ARHGAP17: variants seen among roughly 807,000 people sequenced by gnomAD.
ARHGAP17 encodes Rho GTPase activating protein 17, also known as rho GTPase-activating protein 17.
ARHGAP17 carries 57 observed loss-of-function variants against 99.5 expected under a neutral mutation model. That is an observed-to-expected ratio of 0.57 (90% CI 0.46 to 0.71). ARHGAP17 has a LOEUF of 0.71. ARHGAP17 is among the 30% of genes least tolerant of loss of function. The pLI, the probability that ARHGAP17 is intolerant of heterozygous loss-of-function variation, is 0.00. For missense variants in ARHGAP17, 1,000 were observed against 1,122.4 expected (o/e 0.89, Z 1.56); for synonymous variants, 417 against 429.6 (o/e 0.97, Z 0.36).
chr16:24,985,932 C>G (rs1021799069), intron 1 of ARHGAP17, among the ~76,000 whole-genome samples: 2 of 152,160 alleles, frequency 1.3e-5, no homozygotes, highest in Non-Finnish European at 2.9e-5. Flanking sequence ...ACTCCACCAC[C>G]TCCCTTTTTA....
chr16:25,002,338 C>G (rs539605519), intron 1 of ARHGAP17, among the ~76,000 whole-genome samples: 4 of 152,154 alleles, frequency 2.6e-5, no homozygotes, highest in Non-Finnish European at 5.9e-5. Context: ...AATGTTCTTC[C>G]CAGTCACCGC....
rs778447658 is a variant in ARHGAP17, at chr16:24,954,702, C to A, written c.753G>T (p.Gly251=). The change falls in exon 10 of 20, where the codon GGG becomes GGT. Residue 251 remains glycine (G), a synonymous_variant. Coordinates refer to ENST00000289968, the MANE Select transcript of ARHGAP17 (RefSeq NM_001006634.3). The part of the protein sequence containing the change: ...QDKWAEKPAF[G]TPLEEHLKRS... ...TCTTCAGGTGTTCTTCTAGGGGAGTCCCAAAGGCTGGTTTTTCCGCCCACT... is the reference window on the plus strand; with the variant it reads ...TCTTCAGGTGTTCTTCTAGGGGAGTACCAAAGGCTGGTTTTTCCGCCCACT... 1.9e-6 allele frequency: 3 copies of A among 1,613,914 alleles called. No homozygotes were observed. Among genetic ancestry groups the A allele is most frequent in the Non-Finnish European group, 2.5e-6 (3 of 1,179,888 alleles).
At chr16:24,944,069 G>A (rs1037119868) in intron 14 of ARHGAP17, among the ~76,000 whole-genome samples, 2 of 151,930 alleles carry the variant, frequency 1.3e-5, no homozygotes, top group African/African-American at 4.8e-5. Flanking sequence ...TCAAGAGATC[G>A]AGACAATCCT....
intron 1 of ARHGAP17, among the ~76,000 whole-genome samples, chr16:24,982,980 A>ATATATATATATATATATATATATT (rs2052725948): frequency 1.2e-4 from 2 of 16,874 alleles, no homozygotes; most frequent in African/African-American, 2.3e-4. Context: ...ATATATATAT[A>ATATATATATATATATATATATATT]TATATATATA....
At chr16:25,004,978 G>A (rs529455379) in intron 1 of ARHGAP17, among the ~76,000 whole-genome samples, 23 of 152,318 alleles carry the variant, frequency 1.5e-4, no homozygotes, top group South Asian at 2.1e-4. Flanking sequence ...GCAGTGGTGC[G>A]ATCTTGGCTC....
rs193026353 is a variant in ARHGAP17, at chr16:24,987,372, T to C, written c.54-8367A>G. Among the ~76,000 whole-genome samples, 290 of 152,224 alleles carry C rather than the reference T, an allele frequency of 1.9e-3. 1 individual carries two copies. The highest frequency in any genetic ancestry group is 4.4e-3 in the Admixed American group (68 of 15,306). ...GCCGCATTTAGCCCACAGACCAGAG[T>C]TTGCTGACCCCTGATCTATGTACAA... On this transcript the variant is annotated intron_variant, in intron 1 of 19. Coordinates refer to ENST00000289968, the MANE Select transcript of ARHGAP17 (RefSeq NM_001006634.3).
chr16:24,997,305 TGGACTGGTGCAA>T (rs2053223838), intron 1 of ARHGAP17, among the ~76,000 whole-genome samples: 2 of 151,252 alleles, frequency 1.3e-5, no homozygotes, highest in African/African-American at 4.9e-5. Context: ...CATTAGCACT[TGGACTGGTGCAA>T]GGCGCCCAGT....
chr16:24,981,818 T>A (rs369355839), intron 1 of ARHGAP17, among the ~76,000 whole-genome samples: 15 of 152,304 alleles, frequency 9.8e-5, no homozygotes, highest in African/African-American at 3.6e-4. Flanking sequence ...ATTGGTCCAA[T>A]GTCAAGCTCT....
chr16:24,965,446 A>G (rs567755469), intron 6 of ARHGAP17, among the ~76,000 whole-genome samples: 5 of 152,362 alleles, frequency 3.3e-5, no homozygotes, highest in African/African-American at 1.2e-4. Context: ...GCCGCACTCC[A>G]GCCTGGGGAC....
intron 1 of ARHGAP17, among the ~76,000 whole-genome samples, chr16:25,009,917 T>C (rs1319897430): frequency 6.6e-6 from 1 of 152,126 alleles, no homozygotes; most frequent in Non-Finnish European, 1.5e-5. Context: ...AGATGTTTAA[T>C]AAACATTAAT....
At chr16:24,927,620 G>T in intron 19 of ARHGAP17, 1 of 863,936 alleles carries the variant, frequency 1.2e-6, no homozygotes, top group Non-Finnish European at 1.5e-6. Context: ...TAACAGGCAT[G>T]AGTGCACAAA....
intron 17 of ARHGAP17, among the ~76,000 whole-genome samples, chr16:24,938,938 A>C (rs546901456): frequency 7.3e-6 from 1 of 136,580 alleles, no homozygotes; most frequent in African/African-American, 3.7e-5. Flanking sequence ...TGTTTCACTG[A>C]ATCAATCAAC....
intron 3 of ARHGAP17, among the ~76,000 whole-genome samples, chr16:24,971,123 G>T (rs1434660487): frequency 6.6e-6 from 1 of 152,154 alleles, no homozygotes; most frequent in Non-Finnish European, 1.5e-5. Flanking sequence ...GCATGCCTCA[G>T]CCTCCCAAAG....
intron 19 of ARHGAP17, among the ~76,000 whole-genome samples, chr16:24,925,022 T>G (rs2050804700): frequency 6.6e-6 from 1 of 152,160 alleles, no homozygotes; most frequent in Non-Finnish European, 1.5e-5. Context: ...GTCTTCACTT[T>G]CAGGATCCTC....
chr16:24,970,470 A>G (rs1195890510), intron 4 of ARHGAP17, 37 bp downstream of exon 4: 1 of 1,597,954 alleles, frequency 6.3e-7, no homozygotes. Flanking sequence ...CCACCAATCT[A>G]CATGGCACTT....
At chr16:24,963,722 C>T (rs1005865762) in intron 7 of ARHGAP17, among the ~76,000 whole-genome samples, 11 of 152,142 alleles carry the variant, frequency 7.2e-5, no homozygotes, top group African/African-American at 2.7e-4. Context: ...ATTGTTCAAG[C>T]AACATTTTAA....
chr16:24,922,801 G>A (rs920029246), intron 19 of ARHGAP17, among the ~76,000 whole-genome samples: 7 of 151,694 alleles, frequency 4.6e-5, no homozygotes, highest in Non-Finnish European at 8.8e-5. Context: ...TCAGCCTCCC[G>A]AGTAGCTAGG....
chr16:24,942,187 G>A, intron 15 of ARHGAP17, 44 bp from the exon 16 acceptor site: 1 of 1,554,566 alleles, frequency 6.4e-7, no homozygotes, highest in East Asian at 2.3e-5. Flanking sequence ...ACTGAGCACA[G>A]CAGGCGAGGG....
intron 6 of ARHGAP17, among the ~76,000 whole-genome samples, chr16:24,967,254 A>C (rs1431934295): frequency 6.6e-6 from 1 of 152,246 alleles, no homozygotes; most frequent in Non-Finnish European, 1.5e-5. Context: ...ACACATTGTA[A>C]ATAAAGTTTT....
Sources: allele counts gnomAD v4.1 joint callset (sites outside exome capture counted in the v4.1 genomes callset), GRCh38; gene constraint gnomAD v4.1.1; transcripts MANE v1.5; gene names NCBI Gene and HGNC (gene_info 2026-07-23, HGNC 2026-07-21).